Variants in NEGR1 observed in about 807,000 individuals in gnomAD.
NEGR1 encodes neuronal growth regulator 1.
A neutral mutation model predicts 40.9 loss-of-function variants in NEGR1; 10 were observed. The observed-to-expected ratio is 0.24, with a 90% CI of 0.15 to 0.42. The LOEUF (loss-of-function observed/expected upper bound fraction) is 0.42, where lower values mean the gene tolerates loss of function less well. Among genes scored for constraint, NEGR1 ranks in the 10% least tolerant of loss-of-function variants. The pLI is 1.00. For synonymous variants in NEGR1, 185 were observed against 166.8 expected (o/e 1.11, Z -0.84); for missense variants, 352 against 438.9 (o/e 0.80, Z 1.77).
chr1:71,998,900 A>G (rs942206418), intron 1 of NEGR1, among the ~76,000 whole-genome samples: 3 of 151,880 alleles, frequency 2.0e-5, no homozygotes, highest in African/African-American at 7.2e-5. Context: ...TGTATATAAT[A>G]CACACACACT....
chr1:71,566,303 A>C lies in NEGR1; in HGVS notation c.940+26514T>G, dbSNP rs1252722308. ...TTTTTAATGTATTTAGTCATGAGAA[A>C]AATATATCAACAAACTAGGGTAAAA... On this transcript the variant is annotated intron_variant, in intron 6 of 6. Coordinates refer to ENST00000357731, the MANE Select transcript of NEGR1 (RefSeq NM_173808.3). Among the ~76,000 whole-genome samples the C allele has an allele frequency of 2.0e-5, 3 of 152,208 alleles. No homozygotes were observed. The East Asian group carries it at 5.8e-4, about 29-fold the overall frequency.
chr1:72,250,912 T>G (rs547601874), intron 1 of NEGR1, among the ~76,000 whole-genome samples: 1 of 152,312 alleles, frequency 6.6e-6, no homozygotes, highest in Non-Finnish European at 1.5e-5. Context: ...GGAGATGGCA[T>G]TATTTTTCAA....
At chr1:71,512,044 G>C (rs12043828) in intron 6 of NEGR1, among the ~76,000 whole-genome samples, 1 of 151,888 alleles carries the variant, frequency 6.6e-6, no homozygotes, top group Non-Finnish European at 1.5e-5. Flanking sequence ...TAAATGATAC[G>C]ATGCATGAGA....
chr1:72,170,024 ATATAT>A (rs1651904262), intron 1 of NEGR1, among the ~76,000 whole-genome samples: 1 of 152,180 alleles, frequency 6.6e-6, no homozygotes, highest in Non-Finnish European at 1.5e-5. Context: ...ACTCAGTACT[ATATAT>A]TATTTCAATT....
intron 3 of NEGR1, among the ~76,000 whole-genome samples, chr1:71,717,156 A>G (rs573346486): frequency 6.6e-6 from 1 of 152,308 alleles, no homozygotes; most frequent in East Asian, 1.9e-4. Context: ...TGAAACCCCT[A>G]TTATGTTACA....
chr1:71,442,370 T>C (rs971684083), intron 6 of NEGR1, among the ~76,000 whole-genome samples: 1 of 152,020 alleles, frequency 6.6e-6, no homozygotes, highest in African/African-American at 2.4e-5. Context: ...ATACCAGCAC[T>C]TTGGGAGGCT....
At chr1:72,165,262 G>A (rs191591206) in intron 1 of NEGR1, among the ~76,000 whole-genome samples, 6 of 152,072 alleles carry the variant, frequency 3.9e-5, no homozygotes, top group Middle Eastern at 3.4e-3. Flanking sequence ...ATAGCTTAGC[G>A]GTGAACCATA....
At chr1:71,544,422 T>G (rs1647822166) in intron 6 of NEGR1, among the ~76,000 whole-genome samples, 1 of 151,682 alleles carries the variant, frequency 6.6e-6, no homozygotes. Context: ...AAGTAATATC[T>G]GCCTACTTTA....
chr1:71,871,378 A>G, intron 2 of NEGR1, among the ~76,000 whole-genome samples: 1 of 152,298 alleles, frequency 6.6e-6, no homozygotes, highest in Middle Eastern at 3.4e-3. Flanking sequence ...TGTGTGGACT[A>G]CAATGTTTCA....
At chr1:72,232,410 C>G (rs1003708830) in intron 1 of NEGR1, among the ~76,000 whole-genome samples, 5 of 150,864 alleles carry the variant, frequency 3.3e-5, no homozygotes, top group Admixed American at 3.3e-4. Context: ...ATCAAGCATA[C>G]AAACCAAGTA....
At chr1:71,734,956 G>C (rs1655000037) in intron 3 of NEGR1, among the ~76,000 whole-genome samples, 1 of 151,536 alleles carries the variant, frequency 6.6e-6, no homozygotes, top group Non-Finnish European at 1.5e-5. Flanking sequence ...TTTCCCCAAG[G>C]CTCTACTCTC....
At chr1:71,625,520 G>A (rs1240993438) in intron 4 of NEGR1, among the ~76,000 whole-genome samples, 1 of 151,694 alleles carries the variant, frequency 6.6e-6, no homozygotes, top group East Asian at 1.9e-4. Context: ...ATGTGCATAG[G>A]TTCTATGCAA....
intron 1 of NEGR1, among the ~76,000 whole-genome samples, chr1:71,949,699 C>A (rs1218600971): frequency 1.3e-5 from 2 of 152,054 alleles, no homozygotes; most frequent in Non-Finnish European, 2.9e-5. Context: ...GCACACACAG[C>A]AATCTCTGGA....
intron 1 of NEGR1, among the ~76,000 whole-genome samples, chr1:71,998,697 A>G (rs1646527338): frequency 6.6e-6 from 1 of 151,578 alleles, no homozygotes; most frequent in African/African-American, 2.4e-5. Context: ...TTTACATTTT[A>G]TATAGAGATA....
At chr1:72,096,818 G>A (rs981627873) in intron 1 of NEGR1, among the ~76,000 whole-genome samples, 3 of 151,750 alleles carry the variant, frequency 2.0e-5, no homozygotes, top group East Asian at 3.9e-4. Context: ...CCGCCACAAC[G>A]CCCGGCTATT....
At chr1:71,487,469 T>C (rs1460670681) in intron 6 of NEGR1, among the ~76,000 whole-genome samples, 1 of 151,692 alleles carries the variant, frequency 6.6e-6, no homozygotes, top group Admixed American at 6.6e-5. Context: ...TTTTACACAT[T>C]GTTATTCTAA....
intron 1 of NEGR1, chr1:72,275,164 T>C (rs555396716): frequency 1.7e-5 from 11 of 637,804 alleles, no homozygotes; most frequent in South Asian, 3.8e-5. Flanking sequence ...GTTTTTCTAA[T>C]TGAAATTAAA....
rs551855650 is a variant in NEGR1, at chr1:72,265,295, T to C, written c.176+17024A>G. 2.4e-4 allele frequency among the ~76,000 whole-genome samples: 37 copies of C among 151,074 alleles called. 1 individual carries two copies. The South Asian group carries it at 7.1e-3, about 29-fold the overall frequency. ...ATTGACTCTTTCATTAGGAAGATAG[T>C]TTTGTTAGCCTTTAATTTTAATTAA... On this transcript the variant is annotated intron_variant, in intron 1 of 6. Transcript: ENST00000357731.
chr1:71,773,549 A>G (rs1656401759), intron 3 of NEGR1, among the ~76,000 whole-genome samples: 1 of 152,172 alleles, frequency 6.6e-6, no homozygotes, highest in Admixed American at 6.5e-5. Context: ...AGCTAATAGA[A>G]TTATCGGACA....
Sources: gnomAD v4.1 joint callset for allele counts (sites outside exome capture counted in the v4.1 genomes callset) on GRCh38, gnomAD v4.1.1 for gene constraint, MANE v1.5 for transcripts, NCBI Gene and HGNC (gene_info 2026-07-23, HGNC 2026-07-21) for gene names.